SEZ6L: variants seen among roughly 807,000 people sequenced by gnomAD.
SEZ6L encodes seizure 6-like protein.
Under a neutral mutation model 106.2 loss-of-function variants are expected in SEZ6L, and 37 were observed. The observed-to-expected ratio is 0.35, with a 90% CI of 0.27 to 0.46. The LOEUF (loss-of-function observed/expected upper bound fraction) is 0.46. SEZ6L is among the 20% of genes least tolerant of loss of function. SEZ6L has a pLI of 1.00. For synonymous variants in SEZ6L, 541 were observed against 570.4 expected (o/e 0.95, Z 0.73); for missense variants, 1,172 against 1,332.8 (o/e 0.88, Z 1.88).
At chr22:26,322,360 T>C (rs17304879) in intron 9 of SEZ6L, among the ~76,000 whole-genome samples, 5,580 of 152,268 alleles carry the variant, frequency 0.037, 138 homozygotes, top group Admixed American at 0.059. Flanking sequence ...GCACCAGCTG[T>C]GTGTCTCGGC....
intron 1 of SEZ6L, among the ~76,000 whole-genome samples, chr22:26,208,850 CTGTGTGTGTGTGTGTGTGTGTGTGTGTG>C (rs35483380): frequency 2.7e-5 from 3 of 111,694 alleles, no homozygotes; most frequent in South Asian, 6.8e-4. Flanking sequence ...GACTCTCTCT[CTGTGTGTGTGTGTGTGTGTGTGTGTGTG>C]TGTGTGTGTG....
At chr22:26,344,561 A>G (rs544715413) in intron 10 of SEZ6L, among the ~76,000 whole-genome samples, 1 of 152,308 alleles carries the variant, frequency 6.6e-6, no homozygotes, top group African/African-American at 2.4e-5. Context: ...GTCTGCCATG[A>G]GCATGAAATG....
chr22:26,254,748 T>C (rs981573558), intron 1 of SEZ6L, among the ~76,000 whole-genome samples: 3 of 152,200 alleles, frequency 2.0e-5, no homozygotes, highest in African/African-American at 7.2e-5. Flanking sequence ...ATTGAGCATC[T>C]GTCCTACTGG....
chr22:26,239,846 C>T (rs2079059710), intron 1 of SEZ6L, among the ~76,000 whole-genome samples: 1 of 152,064 alleles, frequency 6.6e-6, no homozygotes, highest in Non-Finnish European at 1.5e-5. Context: ...GGCCCAAGCA[C>T]AAAGCCATTC....
chr22:26,303,450 AACT>A (rs2081514964), intron 5 of SEZ6L, among the ~76,000 whole-genome samples: 1 of 152,234 alleles, frequency 6.6e-6, no homozygotes, highest in Non-Finnish European at 1.5e-5. Flanking sequence ...TTTATAAAGC[AACT>A]ACTATATGCC....
At chr22:26,268,978 T>C (rs1463131601) in intron 1 of SEZ6L, among the ~76,000 whole-genome samples, 2 of 152,170 alleles carry the variant, frequency 1.3e-5, no homozygotes, top group African/African-American at 4.8e-5. Context: ...ATCTATAAGG[T>C]GAGAAGGATA....
At chr22:26,358,039 G>A (rs892148757) in intron 12 of SEZ6L, among the ~76,000 whole-genome samples, 2 of 152,200 alleles carry the variant, frequency 1.3e-5, no homozygotes, top group African/African-American at 4.8e-5. Context: ...AGCCTGGACA[G>A]AGCCCACAGG....
At chr22:26,350,424 T>A (rs144555889) in intron 11 of SEZ6L, among the ~76,000 whole-genome samples, 5 of 151,736 alleles carry the variant, frequency 3.3e-5, no homozygotes, top group Non-Finnish European at 7.4e-5. Context: ...GACCGGATCT[T>A]GCTGTGTTGC....
rs79898745 is a variant in SEZ6L at position 26,197,422 on chromosome 22, C to T, written c.94+27659C>T. ...GGGTTTTCGCAGGTTGGGGAAAGCC[C>T]GAGCCTGGTCTTACTGGGTGAGTAA... On this transcript the variant is annotated intron_variant, in intron 1 of 16. Coordinates refer to ENST00000248933, the MANE Select transcript of SEZ6L (RefSeq NM_021115.5). Among the ~76,000 whole-genome samples the T allele has an allele frequency of 2.3e-3, 345 of 152,266 alleles. 1 individual carries two copies. The highest frequency in any genetic ancestry group is 4.2e-3 in the Non-Finnish European group (284 of 68,030).
intron 1 of SEZ6L, among the ~76,000 whole-genome samples, chr22:26,197,491 C>T (rs968179653): frequency 3.9e-5 from 6 of 152,160 alleles, no homozygotes; most frequent in Non-Finnish European, 8.8e-5. Flanking sequence ...GAGGAGAGAA[C>T]TGCAACTCTG....
chr22:26,219,350 G>A (rs1265808017), intron 1 of SEZ6L, among the ~76,000 whole-genome samples: 1 of 150,174 alleles, frequency 6.7e-6, no homozygotes, highest in Non-Finnish European at 1.5e-5. Context: ...GATTGGACAA[G>A]TCTGAGCCCT....
intron 1 of SEZ6L, among the ~76,000 whole-genome samples, chr22:26,189,117 CTT>C (rs1396579100): frequency 3.3e-5 from 5 of 152,134 alleles, no homozygotes; most frequent in Non-Finnish European, 7.3e-5. Context: ...GGAACAGAAA[CTT>C]GTCAATAGTC....
chr22:26,351,510 T>A, intron 12 of SEZ6L: 1 of 338,798 alleles, frequency 3.0e-6, no homozygotes, highest in Non-Finnish European at 5.0e-6. Context: ...GTATACTTTG[T>A]TTTTTTGTTT....
chr22:26,262,745 G>A (rs971154509), intron 1 of SEZ6L, among the ~76,000 whole-genome samples: 3 of 152,164 alleles, frequency 2.0e-5, no homozygotes, highest in Admixed American at 6.5e-5. Flanking sequence ...TGCATGGGTC[G>A]ATGGGGGAGC....
chr22:26,317,894 G>C (rs1461269021), intron 9 of SEZ6L, among the ~76,000 whole-genome samples: 4 of 152,046 alleles, frequency 2.6e-5, no homozygotes, highest in Non-Finnish European at 4.4e-5. Flanking sequence ...TCTGCAAGAT[G>C]ATGGGCTACC....
At chr22:26,318,026 C>T (rs928475569) in intron 9 of SEZ6L, among the ~76,000 whole-genome samples, 6 of 151,480 alleles carry the variant, frequency 4.0e-5, no homozygotes, top group African/African-American at 1.2e-4. Flanking sequence ...GAAGTACATA[C>T]CCTATCTAAA....
chr22:26,170,721 G>A (rs981578362), intron 1 of SEZ6L, among the ~76,000 whole-genome samples: 1 of 152,156 alleles, frequency 6.6e-6, no homozygotes, highest in Non-Finnish European at 1.5e-5. Flanking sequence ...AGGCACCTAG[G>A]AGACCCGAAA....
chr22:26,343,784 G>T (rs2082920571), intron 10 of SEZ6L, among the ~76,000 whole-genome samples: 4 of 152,184 alleles, frequency 2.6e-5, no homozygotes, highest in Admixed American at 2.0e-4. Context: ...AAAAAAGAGA[G>T]AACAGTTCCT....
chr22:26,376,204 T>TG (rs1402732291), intron 15 of SEZ6L, among the ~76,000 whole-genome samples: 2 of 99,028 alleles, frequency 2.0e-5, no homozygotes, highest in South Asian at 8.7e-4. Context: ...ACATCATTTG[T>TG]GGAAAAAAAA....
Sources: allele counts gnomAD v4.1 joint callset (sites outside exome capture counted in the v4.1 genomes callset), GRCh38; gene constraint gnomAD v4.1.1; transcripts MANE v1.5; gene names NCBI Gene and HGNC (gene_info 2026-07-23, HGNC 2026-07-21).